The following PPP1R13B variants were observed in gnomAD, a reference collection of about 807,000 sequenced individuals.
PPP1R13B encodes protein phosphatase 1 regulatory subunit 13B.
In PPP1R13B, 44 loss-of-function variants were observed where a neutral mutation model predicts 119.8. The ratio of observed to expected loss-of-function variants is 0.37; its 90% CI spans 0.29 to 0.47. The LOEUF (loss-of-function observed/expected upper bound fraction) is 0.47. Ranked by LOEUF, PPP1R13B falls within the 20% of genes least tolerant of loss-of-function variation. The probability of loss-of-function intolerance (pLI) is 0.99; values close to 1 mark genes in which losing one functional copy is unlikely to be tolerated. For missense variants in PPP1R13B, 1,227 were observed against 1,413.5 expected (o/e 0.87, Z 2.12); for synonymous variants, 542 against 561.5 (o/e 0.97, Z 0.49).
At chr14:103,788,192 A>G (rs1003007759) in intron 2 of PPP1R13B, among the ~76,000 whole-genome samples, 1 of 152,136 alleles carries the variant, frequency 6.6e-6, no homozygotes, top group African/African-American at 2.4e-5. Flanking sequence ...ATTTCAGCCA[A>G]TTCTGTTTTT....
At chr14:103,841,858 G>GT (rs1948098708) in intron 1 of PPP1R13B, among the ~76,000 whole-genome samples, 1 of 152,140 alleles carries the variant, frequency 6.6e-6, no homozygotes. Flanking sequence ...CTTCATGCAA[G>GT]TATCTGCTAT....
chr14:103,797,899 C>T (rs1451433288), intron 1 of PPP1R13B, among the ~76,000 whole-genome samples: 1 of 151,954 alleles, frequency 6.6e-6, no homozygotes, highest in Non-Finnish European at 1.5e-5. Flanking sequence ...AACGACTATA[C>T]AATGAGTGAT....
intron 1 of PPP1R13B, among the ~76,000 whole-genome samples, chr14:103,829,989 G>C (rs768442221): frequency 3.3e-5 from 5 of 152,046 alleles, no homozygotes; most frequent in Non-Finnish European, 7.4e-5. Flanking sequence ...GTGTTGGCCA[G>C]GATGGTCTCC....
intron 1 of PPP1R13B, among the ~76,000 whole-genome samples, chr14:103,841,091 G>T (rs750491729): frequency 5.3e-5 from 8 of 152,056 alleles, no homozygotes; most frequent in Non-Finnish European, 8.8e-5. Context: ...TTCAAGACCC[G>T]CCTGACCAAC....
In PPP1R13B at chr14:103,765,690, C is replaced by A. The variant is rs184770840; in HGVS notation, c.355-7939G>T. The stretch of plus-strand genomic sequence containing the variant: ...CGCTGCCCACAGTGCCCTTCCCCCA[C>A]TGCTTCCTAAACTCTGCCTATCACT... On this transcript the variant is annotated intron_variant, in intron 4 of 16. Coordinates refer to ENST00000202556, the MANE Select transcript of PPP1R13B (RefSeq NM_015316.3). Among the ~76,000 whole-genome samples the A allele has an allele frequency of 5.6e-4, 86 of 152,328 alleles. No homozygotes were observed. In the East Asian group the frequency reaches 0.015, roughly 26 times the overall value.
intron 1 of PPP1R13B, among the ~76,000 whole-genome samples, chr14:103,837,819 A>G (rs568360542): frequency 5.9e-5 from 9 of 152,190 alleles, no homozygotes; most frequent in South Asian, 2.1e-4. Flanking sequence ...CACTTTTTAA[A>G]AACATTTGGT....
chr14:103,826,151 A>G (rs1378821396), intron 1 of PPP1R13B, among the ~76,000 whole-genome samples: 1 of 152,172 alleles, frequency 6.6e-6, no homozygotes, highest in Non-Finnish European at 1.5e-5. Flanking sequence ...TGTTGGGATT[A>G]CAGCTGCGAG....
chr14:103,792,145 AATTT>A (rs1315538318), intron 2 of PPP1R13B, among the ~76,000 whole-genome samples: 14 of 148,850 alleles, frequency 9.4e-5, no homozygotes, highest in Admixed American at 8.1e-4. Context: ...ATTTAACAGA[AATTT>A]ATTGTTTCCC....
At chr14:103,803,479 T>C (rs528378426) in intron 1 of PPP1R13B, among the ~76,000 whole-genome samples, 36 of 151,850 alleles carry the variant, frequency 2.4e-4, no homozygotes, top group Non-Finnish European at 4.1e-4. Context: ...CCATCTCTAT[T>C]AAAAATACAA....
intron 2 of PPP1R13B, among the ~76,000 whole-genome samples, chr14:103,795,668 G>T (rs2085741980): frequency 6.6e-6 from 1 of 151,542 alleles, no homozygotes; most frequent in Admixed American, 6.6e-5. Context: ...GGCTAGAGAA[G>T]AAAAAAAACA....
intron 2 of PPP1R13B, among the ~76,000 whole-genome samples, chr14:103,795,907 T>A (rs2085747129): frequency 1.3e-5 from 2 of 152,220 alleles, no homozygotes; most frequent in South Asian, 4.1e-4. Flanking sequence ...GCAAAAAAAT[T>A]GTAATTTATA....
At chr14:103,807,796 G>A (rs1039555490) in intron 1 of PPP1R13B, among the ~76,000 whole-genome samples, 2 of 151,880 alleles carry the variant, frequency 1.3e-5, no homozygotes, top group East Asian at 1.9e-4. Flanking sequence ...ACCTGGCCAC[G>A]AAATGTCTTT....
rs1422679416 is a variant in PPP1R13B, at chr14:103,738,868, T to TCCC, written c.2730+15_2730+17dup. 1 of 1,612,946 alleles carries TCCC rather than the reference T, an allele frequency of 6.2e-7. No individual in the cohort carries two copies. The highest frequency in any genetic ancestry group is 1.3e-5 in the African/African-American group (1 of 74,998). ...CCTCGCCCCCAGCAGCGTGCACTGG[T>TCCC]CCCCGGCTGCAGCTCACCTCATAGA... On this transcript the variant is annotated intron_variant, in intron 13 of 16. Transcript: ENST00000202556. This position sits in a 1 kb window ranked among gnomAD's most constrained non-coding sequence, Gnocchi z 5.6.
intron 1 of PPP1R13B, 151 bp downstream of exon 1, chr14:103,847,148 C>G: frequency 1.0e-6 from 1 of 981,490 alleles, no homozygotes; most frequent in Non-Finnish European, 1.2e-6. Flanking sequence ...GCCTGGGGGG[C>G]GCCGCGGCCG....
At chr14:103,844,990 G>A (rs1380167183) in intron 1 of PPP1R13B, among the ~76,000 whole-genome samples, 4 of 152,044 alleles carry the variant, frequency 2.6e-5, no homozygotes, top group Non-Finnish European at 4.4e-5. Flanking sequence ...TATTGAATAC[G>A]TGTTAAAATA....
upstream of PPP1R13B, chr14:103,848,278 C>CA: frequency 1.0e-6 from 1 of 985,460 alleles, no homozygotes. Flanking sequence ...CCACCTGCGC[C>CA]AGCATCCCTC....
intron 2 of PPP1R13B, among the ~76,000 whole-genome samples, chr14:103,787,197 C>T (rs1262946340): frequency 2.0e-5 from 3 of 151,852 alleles, no homozygotes; most frequent in South Asian, 2.1e-4. Context: ...GCCTGTAATC[C>T]CAACACTTTG....
At chr14:103,736,509 G>A in intron 15 of PPP1R13B, 1 of 447,580 alleles carries the variant, frequency 2.2e-6, no homozygotes, top group Non-Finnish European at 4.1e-6. Flanking sequence ...ATCACAGCCA[G>A]AACAGATTTC....
intron 4 of PPP1R13B, among the ~76,000 whole-genome samples, chr14:103,775,585 C>G (rs1478817119): frequency 1.3e-5 from 2 of 152,160 alleles, no homozygotes; most frequent in African/African-American, 4.8e-5. Flanking sequence ...CATGGTAAAT[C>G]TTAGAACTCA....
Sources: allele counts gnomAD v4.1 joint callset (sites outside exome capture counted in the v4.1 genomes callset), GRCh38; gene constraint gnomAD v4.1.1; non-coding constraint Gnocchi (gnomAD v3.1); transcripts MANE v1.5; gene names NCBI Gene and HGNC (gene_info 2026-07-23, HGNC 2026-07-21).